The following GNA14 variants were observed in gnomAD, a reference collection of about 807,000 sequenced individuals.
GNA14 encodes guanine nucleotide-binding protein subunit alpha-14.
In GNA14, 50 loss-of-function variants were observed where a neutral mutation model predicts 42.0. That is an observed-to-expected ratio of 1.19 (90% CI 0.95 to 1.51). GNA14 has a LOEUF of 1.51. Among genes scored for constraint, GNA14 ranks in the 40% most tolerant of loss-of-function variants. The pLI is 0.00. For missense variants in GNA14, 473 were observed against 446.2 expected (o/e 1.06, Z -0.54); for synonymous variants, 173 against 163.1 (o/e 1.06, Z -0.46).
At chr9:77,600,229 A>C (rs1823535398) in intron 1 of GNA14, among the ~76,000 whole-genome samples, 1 of 152,244 alleles carries the variant, frequency 6.6e-6, no homozygotes, top group South Asian at 2.1e-4. Context: ...GAGGAAAGCC[A>C]AAGTACACCC....
intron 2 of GNA14, among the ~76,000 whole-genome samples, chr9:77,457,266 G>A (rs1033523801): frequency 6.6e-6 from 1 of 152,194 alleles, no homozygotes; most frequent in Non-Finnish European, 1.5e-5. Flanking sequence ...AGAGTTTAGT[G>A]GAAGGCGCAT....
intron 1 of GNA14, among the ~76,000 whole-genome samples, chr9:77,603,916 C>T (rs1332520018): frequency 2.6e-4 from 34 of 130,614 alleles, no homozygotes; most frequent in Non-Finnish European, 3.8e-4. Flanking sequence ...TGCACTCCAG[C>T]CTGGGAGACA....
intron 2 of GNA14, among the ~76,000 whole-genome samples, chr9:77,496,819 C>T (rs918727172): frequency 1.3e-5 from 2 of 152,182 alleles, no homozygotes; most frequent in African/African-American, 4.8e-5. Context: ...TTATGCTTCA[C>T]TCATGGTATG....
chr9:77,507,607 T>C (rs1010352458), intron 2 of GNA14, among the ~76,000 whole-genome samples: 5 of 152,184 alleles, frequency 3.3e-5, no homozygotes, highest in African/African-American at 9.6e-5. Flanking sequence ...TGTATGCTAT[T>C]TCTTAAATAA....
chr9:77,624,229 C>G (rs1369698868), intron 1 of GNA14, among the ~76,000 whole-genome samples: 1 of 152,234 alleles, frequency 6.6e-6, no homozygotes, highest in Non-Finnish European at 1.5e-5. Context: ...GATTCCTCCT[C>G]TCTGGACAGG....
At chr9:77,517,585 CTTTTCTTTTTT>C (rs1837277775) in intron 2 of GNA14, 2 of 48,806 alleles carry the variant, frequency 4.1e-5, no homozygotes, top group African/African-American at 1.6e-4. Context: ...TATCCTGGTA[CTTTTCTTTTTT>C]TTTTTTTTTT....
At chr9:77,506,103 A>G (rs957364661) in intron 2 of GNA14, among the ~76,000 whole-genome samples, 9 of 150,086 alleles carry the variant, frequency 6.0e-5, no homozygotes, top group Admixed American at 2.7e-4. Flanking sequence ...ATCCTCTACA[A>G]AAAAAAAATA....
At chr9:77,454,149 A>G (rs1404348914) in intron 2 of GNA14, among the ~76,000 whole-genome samples, 1 of 152,082 alleles carries the variant, frequency 6.6e-6, no homozygotes, top group African/African-American at 2.4e-5. Context: ...GTTCCACCCC[A>G]CACCCCCGGC....
chr9:77,483,241 G>A (rs1021666152), intron 2 of GNA14, among the ~76,000 whole-genome samples: 4 of 152,168 alleles, frequency 2.6e-5, no homozygotes, highest in African/African-American at 7.2e-5. Flanking sequence ...TGGTGTGGAT[G>A]TCCTTTCTGT....
intron 2 of GNA14, among the ~76,000 whole-genome samples, chr9:77,457,610 T>C (rs1006540467): frequency 6.6e-6 from 1 of 152,202 alleles, no homozygotes; most frequent in Non-Finnish European, 1.5e-5. Flanking sequence ...GAGGTTGTCC[T>C]ACTCTTTGCA....
chr9:77,546,330 A>G (rs1837720274), intron 1 of GNA14, among the ~76,000 whole-genome samples: 1 of 152,160 alleles, frequency 6.6e-6, no homozygotes, highest in Non-Finnish European at 1.5e-5. Context: ...CCCAATATAA[A>G]TGAAATATAC....
At chr9:77,474,567 G>T (rs150393477) in intron 2 of GNA14, among the ~76,000 whole-genome samples, 2 of 152,148 alleles carry the variant, frequency 1.3e-5, no homozygotes, top group African/African-American at 4.8e-5. Flanking sequence ...AAATCATGTG[G>T]CCACTTTGAA....
At chr9:77,619,236 C>A (rs980913983) in intron 1 of GNA14, among the ~76,000 whole-genome samples, 1 of 151,984 alleles carries the variant, frequency 6.6e-6, no homozygotes, top group Non-Finnish European at 1.5e-5. Flanking sequence ...GACAGAGTTT[C>A]GCTCTTTTTG....
At chr9:77,508,469 G>A (rs1235724914) in intron 2 of GNA14, among the ~76,000 whole-genome samples, 2 of 152,200 alleles carry the variant, frequency 1.3e-5, no homozygotes, top group African/African-American at 4.8e-5. Flanking sequence ...TGATTAAAAT[G>A]TCTGCATGCA....
At chr9:77,494,638 C>T (rs1166601357) in intron 2 of GNA14, among the ~76,000 whole-genome samples, 1 of 152,168 alleles carries the variant, frequency 6.6e-6, no homozygotes, top group Non-Finnish European at 1.5e-5. Context: ...ATGAGGAATA[C>T]ATCTTGGGAA....
chr9:77,489,671 C>T (rs916887936), intron 2 of GNA14, among the ~76,000 whole-genome samples: 1 of 151,912 alleles, frequency 6.6e-6, no homozygotes, highest in Non-Finnish European at 1.5e-5. Flanking sequence ...CTCGCTGGCT[C>T]AGGAGTGAAG....
intron 1 of GNA14, among the ~76,000 whole-genome samples, chr9:77,587,159 T>C (rs2117876475): frequency 6.6e-6 from 1 of 152,164 alleles, no homozygotes; most frequent in East Asian, 1.9e-4. Flanking sequence ...TTGATGAGGA[T>C]GTGGAGAATT....
At chr9:77,495,250 A>G (rs1277577523) in intron 2 of GNA14, among the ~76,000 whole-genome samples, 5 of 151,958 alleles carry the variant, frequency 3.3e-5, no homozygotes, top group East Asian at 1.9e-4. Flanking sequence ...GTTGTGGGGG[A>G]AAAAACCTCT....
intron 2 of GNA14, among the ~76,000 whole-genome samples, chr9:77,515,536 T>C (rs746703688): frequency 3.9e-5 from 6 of 152,218 alleles, no homozygotes; most frequent in Non-Finnish European, 5.9e-5. Context: ...GCCAAAACTA[T>C]GTTATAATAA....
Sources: allele counts gnomAD v4.1 joint callset (sites outside exome capture counted in the v4.1 genomes callset), GRCh38; gene constraint gnomAD v4.1.1; transcripts MANE v1.5; gene names NCBI Gene and HGNC (gene_info 2026-07-23, HGNC 2026-07-21).